MAGI1: variants seen among roughly 807,000 people sequenced by gnomAD.
MAGI1 encodes membrane-associated guanylate kinase, WW and PDZ domain-containing protein 1.
Under a neutral mutation model 139.9 loss-of-function variants are expected in MAGI1, and 58 were observed. The observed-to-expected ratio is 0.41, with a 90% confidence interval of 0.34 to 0.52. The LOEUF (loss-of-function observed/expected upper bound fraction) is 0.52, where lower values mean the gene tolerates loss of function less well. Among genes scored for constraint, MAGI1 ranks in the 20% least tolerant of loss-of-function variants. MAGI1 has a pLI of 0.12. For synonymous variants in MAGI1, 812 were observed against 737.9 expected (o/e 1.10, Z -1.63); for missense variants, 1,874 against 1,901.6 (o/e 0.99, Z 0.27).
intron 1 of MAGI1, among the ~76,000 whole-genome samples, chr3:65,853,893 T>C (rs2059289312): frequency 6.6e-6 from 1 of 151,844 alleles, no homozygotes; most frequent in South Asian, 2.1e-4. Context: ...TCACCTGAGG[T>C]TGGGAGTTGG....
intron 18 of MAGI1, among the ~76,000 whole-genome samples, chr3:65,369,303 T>C (rs1941749154): frequency 6.6e-6 from 1 of 151,650 alleles, no homozygotes; most frequent in Non-Finnish European, 1.5e-5. Flanking sequence ...CAGAGAAAAA[T>C]GTGGGAAGCA....
chr3:65,517,369 T>TG (rs1559630230), intron 2 of MAGI1, among the ~76,000 whole-genome samples: 1 of 152,036 alleles, frequency 6.6e-6, no homozygotes, highest in African/African-American at 2.4e-5. Flanking sequence ...CTCCCACCCT[T>TG]GAACTACCTA....
intron 22 of MAGI1, chr3:65,359,600 C>T (rs990217151): frequency 1.0e-6 from 1 of 995,378 alleles, no homozygotes; most frequent in African/African-American, 1.8e-5. Context: ...AGGTTCCAAT[C>T]AAGTCAGAAA....
chr3:65,575,952 G>C (rs181225488), intron 2 of MAGI1, among the ~76,000 whole-genome samples: 114 of 152,232 alleles, frequency 7.5e-4, no homozygotes, highest in African/African-American at 2.7e-3. Context: ...ACATTTTTGG[G>C]GGAGCTAATG....
rs1472896935 is a variant in MAGI1 at position 65,959,695 on chromosome 3, A to G, written c.313+78301T>C. Among the ~76,000 whole-genome samples, 11 of 146,558 alleles carry G rather than the reference A, an allele frequency of 7.5e-5. No individual in the cohort carries two copies. In the Admixed American group the frequency reaches 7.6e-4, roughly 10 times the overall value. ...TCCCAGGCTGGTCTCAAACTCCTGG[A>G]CTCAAGTGATCCTCCCATCTCAGCC... On this transcript the variant is annotated intron_variant, in intron 1 of 22. Coordinates refer to ENST00000402939, the MANE Select transcript of MAGI1 (RefSeq NM_001033057.2).
intron 12 of MAGI1, among the ~76,000 whole-genome samples, chr3:65,412,988 A>G (rs1945908436): frequency 1.3e-5 from 2 of 152,160 alleles, no homozygotes; most frequent in African/African-American, 2.4e-5. Flanking sequence ...GGATAGCTTC[A>G]TATCCTTACT....
At chr3:65,829,518 A>G (rs60081690) in intron 1 of MAGI1, among the ~76,000 whole-genome samples, 16,200 of 152,216 alleles carry the variant, frequency 0.11, 1,239 homozygotes, top group South Asian at 0.27. Context: ...AGACCTCCCC[A>G]GACATCATAT....
rs757461401 is a variant in MAGI1, at chr3:65,470,525, A to AG, written c.758-42_758-41insC. On this transcript the variant is annotated intron_variant, in intron 4 of 22. Coordinates refer to ENST00000402939, the MANE Select transcript of MAGI1 (RefSeq NM_001033057.2). ...AAGAGGTGAGAGAGAGAGAGAGAGAAAAAAAAAAAATGGTATTCAGCAATC... is the reference window on the plus strand; with the variant it reads ...AAGAGGTGAGAGAGAGAGAGAGAGAAGAAAAAAAAAATGGTATTCAGCAATC... 5 of 1,270,974 alleles carry AG rather than the reference A, an allele frequency of 3.9e-6. No homozygotes were observed. The East Asian group carries it at 7.0e-5, about 18-fold the overall frequency. The allele number at this position is 1,270,974 out of a possible 1,614,324, so 78.7% of individuals were successfully genotyped here.
chr3:65,680,361 A>G (rs887444212), intron 1 of MAGI1, among the ~76,000 whole-genome samples: 1 of 152,178 alleles, frequency 6.6e-6, no homozygotes, highest in Non-Finnish European at 1.5e-5. Context: ...TGACCATACC[A>G]TTTATCATTC....
At chr3:65,482,164 TACTA>T (rs1311417710) in intron 3 of MAGI1, among the ~76,000 whole-genome samples, 1 of 152,192 alleles carries the variant, frequency 6.6e-6, no homozygotes, top group African/African-American at 2.4e-5. Flanking sequence ...GAAAGCCCAC[TACTA>T]ACTAACTGGC....
intron 1 of MAGI1, among the ~76,000 whole-genome samples, chr3:65,636,475 C>T (rs1174661921): frequency 2.0e-5 from 3 of 152,122 alleles, no homozygotes; most frequent in Non-Finnish European, 4.4e-5. Flanking sequence ...CTATAAAAGC[C>T]ATTCAGTAAT....
At chr3:65,407,488 G>A (rs933943787) in intron 12 of MAGI1, among the ~76,000 whole-genome samples, 23 of 151,456 alleles carry the variant, frequency 1.5e-4, no homozygotes, top group African/African-American at 3.6e-4. Context: ...TTCCAAGAGC[G>A]GAGGACTGAG....
chr3:66,022,203 C>T (rs2068004578), intron 1 of MAGI1, among the ~76,000 whole-genome samples: 1 of 152,156 alleles, frequency 6.6e-6, no homozygotes, highest in South Asian at 2.1e-4. Context: ...TAATTTATTT[C>T]ACACAGAATA....
chr3:65,775,231 A>G (rs1303485327), intron 1 of MAGI1, among the ~76,000 whole-genome samples: 1 of 152,062 alleles, frequency 6.6e-6, no homozygotes, highest in Non-Finnish European at 1.5e-5. Context: ...AGATTCCTTG[A>G]GTCCAGGAGT....
At chr3:65,984,747 T>C (rs1387341814) in intron 1 of MAGI1, among the ~76,000 whole-genome samples, 2 of 148,350 alleles carry the variant, frequency 1.3e-5, no homozygotes, top group African/African-American at 5.0e-5. Flanking sequence ...GGAGTCTCAC[T>C]ATGTTGCCCA....
intron 12 of MAGI1, among the ~76,000 whole-genome samples, chr3:65,412,963 T>C (rs536159232): frequency 6.6e-6 from 1 of 152,308 alleles, no homozygotes; most frequent in South Asian, 2.1e-4. Context: ...CTTTGAGATC[T>C]AAATCTTCAG....
chr3:65,526,238 G>A (rs1356388879), intron 2 of MAGI1, among the ~76,000 whole-genome samples: 2 of 152,044 alleles, frequency 1.3e-5, no homozygotes, highest in African/African-American at 4.8e-5. Flanking sequence ...AGGTGTTGTT[G>A]ACATCTTTGC....
chr3:65,475,617 C>T (rs1446985668), intron 4 of MAGI1, among the ~76,000 whole-genome samples: 1 of 152,166 alleles, frequency 6.6e-6, no homozygotes, highest in African/African-American at 2.4e-5. Context: ...ATTAAGCCCA[C>T]ATAGGAAGTG....
chr3:65,793,336 T>C (rs2039912029), intron 1 of MAGI1, among the ~76,000 whole-genome samples: 1 of 152,238 alleles, frequency 6.6e-6, no homozygotes. Flanking sequence ...GTTGGTCAAC[T>C]GTAAACAATG....
Sources: gnomAD v4.1 joint callset for allele counts (sites outside exome capture counted in the v4.1 genomes callset) on GRCh38, gnomAD v4.1.1 for gene constraint, MANE v1.5 for transcripts, NCBI Gene and HGNC (gene_info 2026-07-23, HGNC 2026-07-21) for gene names.